NIM1K: variants seen among roughly 807,000 people sequenced by gnomAD.
NIM1K encodes the protein NIM1 serine/threonine protein kinase.
A neutral mutation model predicts 37.1 loss-of-function variants in NIM1K; 35 were observed. The observed-to-expected ratio is 0.94, with a 90% CI of 0.72 to 1.25. The LOEUF (loss-of-function observed/expected upper bound fraction) is 1.25. Ranked by LOEUF, NIM1K falls within the 50% of genes most tolerant of loss-of-function variation. The probability of loss-of-function intolerance (pLI) is 0.00; values close to 1 mark genes in which losing one functional copy is unlikely to be tolerated. For synonymous variants in NIM1K, 234 were observed against 206.6 expected, an observed-to-expected ratio of 1.13 and a Z score of -1.14; for missense variants, 564 against 548.0, an observed-to-expected ratio of 1.03 and a Z score of -0.29.
chr5:43,237,906 T>A (rs1394622489), intron 1 of NIM1K, among the ~76,000 whole-genome samples: 1 of 152,148 alleles, frequency 6.6e-6, no homozygotes, highest in Non-Finnish European at 1.5e-5. Context: ...ATGTTTTACT[T>A]TATTGGGAGC....
intron 2 of NIM1K, among the ~76,000 whole-genome samples, chr5:43,248,291 T>C (rs1257517021): frequency 6.6e-6 from 1 of 152,240 alleles, no homozygotes; most frequent in Non-Finnish European, 1.5e-5. Context: ...TAGCTGTGGC[T>C]GAATCATAGG....
At chr5:43,272,697 A>G (rs986407370) in intron 2 of NIM1K, among the ~76,000 whole-genome samples, 42 of 152,036 alleles carry the variant, frequency 2.8e-4, no homozygotes, top group African/African-American at 8.2e-4. Context: ...CTGTAGACGT[A>G]TTTTGCTTGG....
rs566112021 is a variant in NIM1K at position 43,214,794 on chromosome 5, C to T, written c.-695+22383C>T. On this transcript the variant is annotated intron_variant, in intron 1 of 3. Transcript: ENST00000326035. ...TCGCGCCACTGCACTCCAGCCTGGGCTAGAGCAAGACTCCGTCTCAAAAAA... is the reference window on the plus strand; with the variant it reads ...TCGCGCCACTGCACTCCAGCCTGGGTTAGAGCAAGACTCCGTCTCAAAAAA... 6.8e-5 allele frequency among the ~76,000 whole-genome samples: 8 copies of T among 116,910 alleles called. No individual in the cohort carries two copies. In the South Asian group the frequency reaches 1.6e-3, roughly 24 times the overall value. 76.7% of individuals were successfully genotyped at this position (116,910 alleles called of 152,430 possible).
At chr5:43,260,597 G>T (rs186574635) in intron 2 of NIM1K, among the ~76,000 whole-genome samples, 411 of 151,970 alleles carry the variant, frequency 2.7e-3, no homozygotes, top group Non-Finnish European at 4.4e-3. Context: ...TATATAGAGA[G>T]AGAGAGAGAG....
In NIM1K at chr5:43,233,075, C is replaced by T. The variant is rs569406597; in HGVS notation, c.-694-12007C>T. On this transcript the variant is annotated intron_variant, in intron 1 of 3. Transcript: ENST00000326035. Reference sequence around the variant, plus strand: ...GTGGTCTTGTCACTTGGCATCTGGCCATTGGGCTGGATGCCATGTTCCAGG... The same window carrying T: ...GTGGTCTTGTCACTTGGCATCTGGCTATTGGGCTGGATGCCATGTTCCAGG... 3.3e-5 allele frequency: 44 copies of T among 1,334,282 alleles called. 1 individual carries two copies. In the African/African-American group the frequency reaches 6.0e-4, roughly 18 times the overall value. 82.7% of individuals were successfully genotyped at this position (1,334,282 alleles called of 1,614,324 possible). A position where few individuals can be genotyped will look rare whatever the true frequency, so the allele number is the denominator to read the frequency against.
chr5:43,280,355 A>AG lies in NIM1K; in HGVS notation c.939dup (p.Tyr314ValfsTer9), dbSNP rs1753421385. 2 of 1,614,026 alleles carry AG rather than the reference A, an allele frequency of 1.2e-6. No individual in the cohort carries two copies. Among genetic ancestry groups the AG allele is most frequent in the African/African-American group, 2.7e-5 (2 of 74,898 alleles). On this transcript the variant is annotated frameshift_variant, in exon 4 of 4. Transcript: ENST00000326035. LOFTEE classifies it high-confidence loss of function. ...AGTCCTTCAGCAGATCCCCACGGAG[A>AG]GGTACGGAATCGACTGCATCATGAA...
intron 1 of NIM1K, among the ~76,000 whole-genome samples, chr5:43,224,300 C>T (rs1012206593): frequency 3.3e-5 from 5 of 151,902 alleles, no homozygotes; most frequent in African/African-American, 1.2e-4. Context: ...TGCTTGGACC[C>T]CTGAAGTACA....
Position 43,245,558 on chromosome 5 carries a change from G to A in NIM1K, c.-218G>A. 2.1e-6 allele frequency: 1 copy of A among 467,486 alleles called. No individual in the cohort carries two copies. The highest frequency in any genetic ancestry group is 3.3e-5 in the East Asian group (1 of 30,060). 29.0% of individuals were successfully genotyped at this position (467,486 alleles called of 1,614,324 possible). A position where few individuals can be genotyped will look rare whatever the true frequency, so the allele number is the denominator to read the frequency against. On this transcript the variant is annotated 5_prime_UTR_variant, in exon 2 of 4. Coordinates refer to ENST00000326035, the MANE Select transcript of NIM1K (RefSeq NM_153361.4). ...AGGGAAGGTGGGAAATGTCTTGAGT[G>A]AGGCGAGCAGCTCCTGGCTGGGCTG...
chr5:43,217,978 C>T (rs550531770), intron 1 of NIM1K, among the ~76,000 whole-genome samples: 7 of 152,206 alleles, frequency 4.6e-5, no homozygotes, highest in African/African-American at 1.7e-4. Context: ...TCCCAAAGTG[C>T]TGGGATTACA....
At chr5:43,198,447 T>G (rs1182780526) in intron 1 of NIM1K, among the ~76,000 whole-genome samples, 3 of 151,556 alleles carry the variant, frequency 2.0e-5, no homozygotes, top group African/African-American at 7.3e-5. Flanking sequence ...CTTCTTTCTT[T>G]CCTTCTTTCT....
chr5:43,276,352 TG>T (rs1179025899), intron 2 of NIM1K, among the ~76,000 whole-genome samples: 1 of 152,152 alleles, frequency 6.6e-6, no homozygotes, highest in African/African-American at 2.4e-5. Context: ...GAGCAAGAGT[TG>T]GGGGAACATG....
intron 1 of NIM1K, among the ~76,000 whole-genome samples, chr5:43,229,608 C>A (rs1293978998): frequency 4.0e-5 from 6 of 149,328 alleles, no homozygotes; most frequent in Non-Finnish European, 8.9e-5. Context: ...CAACCTATAT[C>A]TGTATCTTTT....
rs148237298 is a variant in NIM1K at position 43,241,219 on chromosome 5, G to T, written c.-694-3863G>T. 2.0e-3 allele frequency among the ~76,000 whole-genome samples: 300 copies of T among 151,926 alleles called. 10 individuals carry two copies. Among genetic ancestry groups the T allele is most frequent in the African/African-American group, 7.0e-3 (288 of 41,318 alleles). Reference sequence around the variant, plus strand: ...GGGTATTTCTTTAATTATAAGTAAGGTTGAGTACATTTTTGTATATTATGG... The same window carrying T: ...GGGTATTTCTTTAATTATAAGTAAGTTTGAGTACATTTTTGTATATTATGG... On this transcript the variant is annotated intron_variant, in intron 1 of 3. Transcript: ENST00000326035.
chr5:43,213,345 C>A (rs1253078981), intron 1 of NIM1K, among the ~76,000 whole-genome samples: 3 of 106,502 alleles, frequency 2.8e-5, no homozygotes, highest in South Asian at 2.8e-4. Flanking sequence ...CTTTTCTTTT[C>A]TAGTTGGAGT....
rs895084592 is a variant in NIM1K, at chr5:43,232,131, C to T, written c.-694-12951C>T. The T allele has an allele frequency of 1.9e-5, 20 of 1,025,704 alleles. No individual in the cohort carries two copies. In the African/African-American group the frequency reaches 3.2e-4, roughly 16 times the overall value. 63.5% of individuals were successfully genotyped at this position (1,025,704 alleles called of 1,614,324 possible). A position where few individuals can be genotyped will look rare whatever the true frequency, so the allele number is the denominator to read the frequency against. ...ATGCCAACCTTGAAGCCAGGGGGCACCAAACCACAAATTAGATGATACACT... is the reference window on the plus strand; with the variant it reads ...ATGCCAACCTTGAAGCCAGGGGGCATCAAACCACAAATTAGATGATACACT... On this transcript the variant is annotated intron_variant, in intron 1 of 3. Transcript: ENST00000326035.
At chr5:43,278,426 A>G (rs1753387768) in intron 3 of NIM1K, among the ~76,000 whole-genome samples, 2 of 152,172 alleles carry the variant, frequency 1.3e-5, no homozygotes, top group Non-Finnish European at 2.9e-5. Context: ...TAGTTCTCCC[A>G]AGAACTGGCT....
chr5:43,252,362 G>A (rs945181287), intron 2 of NIM1K, among the ~76,000 whole-genome samples: 13 of 152,054 alleles, frequency 8.5e-5, no homozygotes, highest in Admixed American at 2.0e-4. Context: ...AGTCTCACCC[G>A]CTGGTTCTGG....
At chr5:43,277,804 G>A (rs1424254101) in intron 3 of NIM1K, among the ~76,000 whole-genome samples, 4,691 of 149,268 alleles carry the variant, frequency 0.031, 292 homozygotes, top group African/African-American at 0.11. Context: ...GTGTGTGTGT[G>A]TGTGTGTGTG....
At chr5:43,198,568 C>G (rs1403234608) in intron 1 of NIM1K, among the ~76,000 whole-genome samples, 1 of 151,890 alleles carries the variant, frequency 6.6e-6, no homozygotes, top group Admixed American at 6.6e-5. Flanking sequence ...AAAGCCAAAC[C>G]TTTCCAGCCC....
Sources: gnomAD v4.1 joint callset for allele counts (sites outside exome capture counted in the v4.1 genomes callset) on GRCh38, gnomAD v4.1.1 for gene constraint, MANE v1.5 for transcripts, NCBI Gene and HGNC (gene_info 2026-07-23, HGNC 2026-07-21) for gene names.